The following SCMH1 variants were observed in gnomAD, a reference collection of about 807,000 sequenced individuals.
SCMH1 encodes the protein Scm polycomb group protein homolog 1.
A neutral mutation model predicts 70.8 loss-of-function variants in SCMH1; 37 were observed. The ratio of observed to expected loss-of-function variants is 0.52; its 90% CI spans 0.40 to 0.69. The LOEUF (loss-of-function observed/expected upper bound fraction) is 0.69, where lower values mean the gene tolerates loss of function less well. Ranked by LOEUF, SCMH1 falls within the 30% of genes least tolerant of loss-of-function variation. The probability of loss-of-function intolerance (pLI) is 0.00; values close to 1 mark genes in which losing one functional copy is unlikely to be tolerated. For missense variants in SCMH1, 607 were observed against 827.3 expected (o/e 0.73, Z 3.27); for synonymous variants, 292 against 307.4 (o/e 0.95, Z 0.52).
intron 12 of SCMH1, among the ~76,000 whole-genome samples, chr1:41,041,049 C>T (rs1646091809): frequency 6.6e-6 from 1 of 152,090 alleles, no homozygotes; most frequent in Non-Finnish European, 1.5e-5. Flanking sequence ...TAGATTATCT[C>T]TAGAGTACTT....
chr1:41,209,358 T>C (rs2148784905), intron 1 of SCMH1, among the ~76,000 whole-genome samples: 1 of 152,276 alleles, frequency 6.6e-6, no homozygotes, highest in South Asian at 2.1e-4. Flanking sequence ...CCTCTCTAAC[T>C]CATTTTATGA....
chr1:41,210,414 A>T (rs1309395559), intron 1 of SCMH1, among the ~76,000 whole-genome samples: 2 of 152,186 alleles, frequency 1.3e-5, no homozygotes, highest in African/African-American at 4.8e-5. Context: ...AATCCTAAGC[A>T]AAAAGAACAA....
intron 1 of SCMH1, among the ~76,000 whole-genome samples, chr1:41,236,438 G>A (rs987831613): frequency 6.6e-6 from 1 of 152,144 alleles, no homozygotes; most frequent in Admixed American, 6.5e-5. Flanking sequence ...TAACAATGTA[G>A]GAAACAGGAG....
chr1:41,234,450 C>A (rs1464297146), intron 1 of SCMH1, among the ~76,000 whole-genome samples: 1 of 136,470 alleles, frequency 7.3e-6, no homozygotes, highest in Non-Finnish European at 1.5e-5. Context: ...AGCAACTCTG[C>A]CTCTTTTTTT....
intron 8 of SCMH1, among the ~76,000 whole-genome samples, chr1:41,104,346 G>A (rs1407718915): frequency 6.6e-6 from 1 of 152,176 alleles, no homozygotes; most frequent in African/African-American, 2.4e-5. Flanking sequence ...ATATGCATAC[G>A]TGTGTTTATG....
At position 41,238,066 on chromosome 1, in the gene SCMH1, A is replaced by G. The variant is rs568393582; in HGVS notation, c.-118+3993T>C. ...AATTTTTTACAGATAAGGACACTGA[A>G]GCTCACAGAGGCTAAATAATTTGTT... On this transcript the variant is annotated intron_variant, in intron 1 of 14. Transcript: ENST00000337495. Among the ~76,000 whole-genome samples, 224 of 152,334 alleles carry G rather than the reference A, an allele frequency of 1.5e-3. 2 individuals carry two copies. Among genetic ancestry groups the G allele is most frequent in the African/African-American group, 5.2e-3 (217 of 41,580 alleles).
chr1:41,236,140 A>G (rs2148930552), intron 1 of SCMH1, among the ~76,000 whole-genome samples: 1 of 152,340 alleles, frequency 6.6e-6, no homozygotes, highest in Middle Eastern at 3.4e-3. Flanking sequence ...GTGTATTTTC[A>G]TCTTAATAGA....
chr1:41,175,888 A>G (rs2148545728), intron 2 of SCMH1, among the ~76,000 whole-genome samples: 2 of 152,268 alleles, frequency 1.3e-5, no homozygotes, highest in Middle Eastern at 3.4e-3. Context: ...ACTGACAAAT[A>G]TATTAGGGGA....
At chr1:41,173,240 C>T (rs919875340) in intron 2 of SCMH1, among the ~76,000 whole-genome samples, 1 of 151,374 alleles carries the variant, frequency 6.6e-6, no homozygotes, top group African/African-American at 2.4e-5. Context: ...CAAACAACAG[C>T]AAAAAACAAA....
chr1:41,132,673 G>A (rs1273710807), intron 6 of SCMH1, among the ~76,000 whole-genome samples: 1 of 152,076 alleles, frequency 6.6e-6, no homozygotes, highest in Non-Finnish European at 1.5e-5. Context: ...GCTTTTACAG[G>A]TTTAGGTTTT....
intron 1 of SCMH1, among the ~76,000 whole-genome samples, chr1:41,236,030 G>A (rs1662307157): frequency 6.6e-6 from 1 of 152,096 alleles, no homozygotes. Context: ...TTTTGCTGTA[G>A]CAGTGTTGCA....
At chr1:41,224,990 C>A (rs983303548) in intron 1 of SCMH1, among the ~76,000 whole-genome samples, 3 of 152,138 alleles carry the variant, frequency 2.0e-5, no homozygotes, top group Admixed American at 1.3e-4. Context: ...AGAGGGCAAA[C>A]AGCTTCTCTT....
intron 1 of SCMH1, among the ~76,000 whole-genome samples, chr1:41,192,123 C>G (rs1572957484): frequency 6.6e-6 from 1 of 152,136 alleles, no homozygotes; most frequent in East Asian, 1.9e-4. Flanking sequence ...TAAGTATCTG[C>G]TTCCTTGCCC....
At chr1:41,227,709 C>T (rs1660535321) in intron 1 of SCMH1, among the ~76,000 whole-genome samples, 1 of 152,142 alleles carries the variant, frequency 6.6e-6, no homozygotes, top group South Asian at 2.1e-4. Context: ...TGGCTGGGCG[C>T]AGTGGCTCAC....
At chr1:41,111,719 A>T (rs1363450670) in intron 8 of SCMH1, among the ~76,000 whole-genome samples, 1 of 151,802 alleles carries the variant, frequency 6.6e-6, no homozygotes, top group Non-Finnish European at 1.5e-5. Flanking sequence ...CAGCAAACTC[A>T]CTCATGTCTC....
intron 1 of SCMH1, among the ~76,000 whole-genome samples, chr1:41,229,821 T>C (rs1458405090): frequency 6.6e-6 from 1 of 152,116 alleles, no homozygotes; most frequent in African/African-American, 2.4e-5. Context: ...TAATTACATG[T>C]TGTGATTAAG....
At chr1:41,215,449 C>A (rs1288232605) in intron 1 of SCMH1, among the ~76,000 whole-genome samples, 1 of 152,146 alleles carries the variant, frequency 6.6e-6, no homozygotes, top group African/African-American at 2.4e-5. Context: ...CCATCCTCAT[C>A]TACTTCTTCT....
intron 10 of SCMH1, among the ~76,000 whole-genome samples, chr1:41,049,604 AT>A (rs1647278470): frequency 6.7e-6 from 1 of 150,348 alleles, no homozygotes; most frequent in African/African-American, 2.5e-5. Flanking sequence ...CCCCGTCTCT[AT>A]TAAAAAAAAA....
intron 8 of SCMH1, among the ~76,000 whole-genome samples, chr1:41,108,726 T>C (rs1470247217): frequency 6.6e-6 from 1 of 152,148 alleles, no homozygotes; most frequent in Non-Finnish European, 1.5e-5. Flanking sequence ...AAGGCAGAGA[T>C]AGGTGATAGG....
Sources: gnomAD v4.1 joint callset for allele counts (sites outside exome capture counted in the v4.1 genomes callset) on GRCh38, gnomAD v4.1.1 for gene constraint, MANE v1.5 for transcripts, NCBI Gene and HGNC (gene_info 2026-07-23, HGNC 2026-07-21) for gene names.